The following GABRR1 variants were observed in gnomAD, a reference collection of about 807,000 sequenced individuals.
GABRR1 encodes the protein gamma-aminobutyric acid receptor subunit rho-1.
GABRR1 carries 59 observed loss-of-function variants against 55.5 expected under a neutral mutation model. The ratio of observed to expected loss-of-function variants is 1.06; its 90% CI spans 0.86 to 1.32. GABRR1 has a LOEUF of 1.32. GABRR1 is among the 40% of genes most tolerant of loss of function. GABRR1 has a pLI of 0.00. For synonymous variants in GABRR1, 213 were observed against 226.0 expected (o/e 0.94, Z 0.51); for missense variants, 602 against 619.1 (o/e 0.97, Z 0.29).
At chr6:89,187,421 A>G (rs1771940045) in intron 6 of GABRR1, among the ~76,000 whole-genome samples, 2 of 152,170 alleles carry the variant, frequency 1.3e-5, no homozygotes, top group South Asian at 4.1e-4. Flanking sequence ...GCCATTGTAT[A>G]TTCTCCCATT....
intron 5 of GABRR1, among the ~76,000 whole-genome samples, chr6:89,193,712 G>C (rs901311143): frequency 7.9e-5 from 12 of 152,064 alleles, no homozygotes; most frequent in African/African-American, 2.4e-5. Context: ...ATAGCTTCCA[G>C]TTCCAAAATC....
Position 89,181,971 on chromosome 6 carries a change from T to A in GABRR1, c.883A>T (p.Met295Leu). 6.2e-7 allele frequency: 1 copy of A among 1,614,074 alleles called. No individual in the cohort carries two copies. Among genetic ancestry groups the A allele is most frequent in the Non-Finnish European group, 8.5e-7 (1 of 1,180,006 alleles). The change falls in exon 8 of 10, where the codon ATG becomes TTG. Residue 295 changes from methionine (M) to leucine (L), a missense_variant. By Grantham distance (15) the Met-to-Leu change is conservative. Transcript: ENST00000454853. ...AAGGACACCCAGGACAGCATGACCA[T>A]CAGGGTAGCGGGGAAATAAGTTTGG... Reference protein sequence around the residue: ...LLQTYFPATLMVMLSWVSFWI... With the variant: ...LLQTYFPATLLVMLSWVSFWI...
chr6:89,179,192 C>G, intron 9 of GABRR1, 129 bp from the exon 10 acceptor site: 1 of 948,266 alleles, frequency 1.1e-6, no homozygotes, highest in Non-Finnish European at 1.5e-6. Flanking sequence ...GGGTAGGTAT[C>G]CTGTTTTGTT....
rs1489518871 is a variant in GABRR1, at chr6:89,185,306, T to A, written c.796+4A>T. On this transcript the variant is annotated splice_donor_region_variant and intron_variant, in intron 7 of 9. Coordinates refer to ENST00000454853, the MANE Select transcript of GABRR1 (RefSeq NM_002042.5). ...CTGACTCTCAGCCCTCACTCTACAC[T>A]TACCTGTGCTGCTGTAGAAAGCCAG... is the stretch of plus-strand genomic sequence containing the variant. 6.2e-7 allele frequency: 1 copy of A among 1,614,010 alleles called. No individual in the cohort carries two copies. Among genetic ancestry groups the A allele is most frequent in the Non-Finnish European group, 8.5e-7 (1 of 1,179,876 alleles).
intron 1 of GABRR1, among the ~76,000 whole-genome samples, chr6:89,206,126 T>A (rs1772634287): frequency 6.6e-6 from 1 of 151,830 alleles, no homozygotes; most frequent in Admixed American, 6.6e-5. Context: ...CCACGCCCCC[T>A]GCCTCAGGTG....
At chr6:89,208,137 A>G (rs1049984585) in intron 1 of GABRR1, among the ~76,000 whole-genome samples, 79 of 152,312 alleles carry the variant, frequency 5.2e-4, no homozygotes, top group African/African-American at 1.8e-3. Context: ...AGCTGCACCA[A>G]TAGGGGTGTG....
rs1178622910 is a variant in GABRR1, at chr6:89,217,278, C to T, written c.45G>A (p.Trp15Ter). Residue 15 changes from tryptophan (W) to a stop codon, truncating the protein, a stop_gained, in exon 1 of 10, where the codon TGG (tryptophan) becomes TGA (stop). Coordinates refer to ENST00000454853, the MANE Select transcript of GABRR1 (RefSeq NM_002042.5). LOFTEE classifies it high-confidence loss of function. Reference protein sequence around the residue: ...PNMRFGIFLLWWGWVLATESR... With the variant: ...PNMRFGIFLL ...TTTCAGTGGCCAAAACCCATCCCCA[C>T]CACAAAAGAAAGATGCCAAATCTCA... 6.2e-7 allele frequency: 1 copy of T among 1,614,010 alleles called. No individual in the cohort carries two copies. The highest frequency in any genetic ancestry group is 8.5e-7 in the Non-Finnish European group (1 of 1,180,012).
chr6:89,203,176 A>G (rs7741132), intron 2 of GABRR1, among the ~76,000 whole-genome samples: 104,633 of 152,042 alleles, frequency 0.69, 36,282 homozygotes, highest in East Asian at 0.92. Flanking sequence ...TTACAGATAT[A>G]AGGGAGGAAG....
rs144784513 is a variant in GABRR1 at position 89,204,898 on chromosome 6, C to T, written c.123-1413G>A. Among the ~76,000 whole-genome samples the T allele has an allele frequency of 9.9e-5, 15 of 152,158 alleles. 1 individual carries two copies. The highest frequency in any genetic ancestry group is 3.4e-4 in the African/African-American group (14 of 41,446). ...TTCTTATGATTCTTGGAGAATTATA[C>T]TGTTTGAAACTTTCTTTTAAACTCA... On this transcript the variant is annotated intron_variant, in intron 1 of 9. Transcript: ENST00000454853.
rs1249824336 is a variant in GABRR1, at chr6:89,190,094, GC to G, written c.655+70del. The G allele has an allele frequency of 4.7e-6, 5 of 1,055,170 alleles. No individual in the cohort carries two copies. In the East Asian group the frequency reaches 1.3e-4, roughly 27 times the overall value. 65.4% of individuals were successfully genotyped at this position (1,055,170 alleles called of 1,614,324 possible). ...TGAATAAGGAACACACACTGTTCCTGCAGCTGAGAGTTAGAGGTGTTGAGAA... is the reference window on the plus strand; with the variant it reads ...TGAATAAGGAACACACACTGTTCCTGAGCTGAGAGTTAGAGGTGTTGAGAA... On this transcript the variant is annotated intron_variant, in intron 6 of 9. Transcript: ENST00000454853.
At chr6:89,184,885 CTT>C (rs754802888) in intron 7 of GABRR1, among the ~76,000 whole-genome samples, 17 of 123,674 alleles carry the variant, frequency 1.4e-4, no homozygotes, top group Admixed American at 3.5e-4. Context: ...TCTTTTCTTT[CTT>C]TTTTTTTTTT....
chr6:89,197,099 GGA>G (rs1478365373), intron 5 of GABRR1, among the ~76,000 whole-genome samples: 1 of 152,160 alleles, frequency 6.6e-6, no homozygotes, highest in Non-Finnish European at 1.5e-5. Flanking sequence ...GAATGAGTAT[GGA>G]GGGATCATCA....
At chr6:89,194,607 G>T (rs962240997) in intron 5 of GABRR1, among the ~76,000 whole-genome samples, 1 of 152,098 alleles carries the variant, frequency 6.6e-6, no homozygotes, top group South Asian at 2.1e-4. Context: ...TTAAGGAAGT[G>T]CAGTGATATC....
At chr6:89,194,083 G>C (rs558399134) in intron 5 of GABRR1, among the ~76,000 whole-genome samples, 48 of 152,196 alleles carry the variant, frequency 3.2e-4, no homozygotes, top group Non-Finnish European at 5.9e-4. Flanking sequence ...TGCCTGAAGG[G>C]AGAAATAGCC....
At chr6:89,201,645 G>A (rs1772475952) in intron 2 of GABRR1, among the ~76,000 whole-genome samples, 1 of 152,110 alleles carries the variant, frequency 6.6e-6, no homozygotes, top group Non-Finnish European at 1.5e-5. Context: ...TGGGCGTGGT[G>A]GCAGGCGCCT....
chr6:89,203,511 C>G, intron 1 of GABRR1, 26 bp from the exon 2 acceptor site: 1 of 1,563,058 alleles, frequency 6.4e-7, no homozygotes, highest in Non-Finnish European at 8.8e-7. Flanking sequence ...AAAATAAAGA[C>G]ATTGTAGAGA....
chr6:89,210,935 G>A lies in GABRR1; in HGVS notation c.122+6266C>T, dbSNP rs575876898. On this transcript the variant is annotated intron_variant, in intron 1 of 9. Coordinates refer to ENST00000454853, the MANE Select transcript of GABRR1 (RefSeq NM_002042.5). ...ACTTGAGAGGCAGGGGGTGAGGGAA[G>A]GCCAAGGAAGGCTTCTCAGAGGAGG... Among the ~76,000 whole-genome samples, 9 of 152,228 alleles carry A rather than the reference G, an allele frequency of 5.9e-5. No homozygotes were observed. The South Asian group carries it at 6.2e-4, about 11-fold the overall frequency.
At chr6:89,230,256 C>G (rs1278091450) in intron 1 of GABRR1, among the ~76,000 whole-genome samples, 1 of 144,298 alleles carries the variant, frequency 6.9e-6, no homozygotes, top group Non-Finnish European at 1.5e-5. Context: ...GCCTTCTTCT[C>G]TCAGCTCGTC....
intron 8 of GABRR1, among the ~76,000 whole-genome samples, chr6:89,181,566 T>C (rs1378309847): frequency 6.6e-6 from 1 of 152,178 alleles, no homozygotes; most frequent in Non-Finnish European, 1.5e-5. Flanking sequence ...CAAAGACCCC[T>C]TGAGCTACCA....
Sources: gnomAD v4.1 joint callset for allele counts (sites outside exome capture counted in the v4.1 genomes callset) on GRCh38, gnomAD v4.1.1 for gene constraint, MANE v1.5 for transcripts, NCBI Gene and HGNC (gene_info 2026-07-23, HGNC 2026-07-21) for gene names.